The following PDE8A variants were observed in gnomAD, a reference collection of about 807,000 sequenced individuals.
PDE8A encodes phosphodiesterase 8A, also known as high affinity cAMP-specific and IBMX-insensitive 3',5'-cyclic phosphodiesterase 8A.
PDE8A carries 59 observed loss-of-function variants against 105.0 expected under a neutral mutation model. That is an observed-to-expected ratio of 0.56 (90% CI 0.46 to 0.70). The LOEUF (loss-of-function observed/expected upper bound fraction) is 0.70, where lower values mean the gene tolerates loss of function less well. Among genes scored for constraint, PDE8A ranks in the 30% least tolerant of loss-of-function variants. The probability of loss-of-function intolerance (pLI) is 0.00; values close to 1 mark genes in which losing one functional copy is unlikely to be tolerated. For synonymous variants in PDE8A, 355 were observed against 371.9 expected, an observed-to-expected ratio of 0.95 and a Z score of 0.52; for missense variants, 1,014 against 1,045.9, an observed-to-expected ratio of 0.97 and a Z score of 0.42.
chr15:85,122,120 C>G (rs920341784), intron 18 of PDE8A, among the ~76,000 whole-genome samples: 2 of 152,162 alleles, frequency 1.3e-5, no homozygotes, highest in African/African-American at 4.8e-5. Flanking sequence ...CTTCCCTGAT[C>G]TCTCATGCTA....
At chr15:85,060,769 T>C (rs58572363) in intron 1 of PDE8A, among the ~76,000 whole-genome samples, 5,100 of 152,298 alleles carry the variant, frequency 0.033, 239 homozygotes, top group African/African-American at 0.1. Context: ...ATTTTTTTTT[T>C]CCACCAAACT....
Position 85,100,003 on chromosome 15 carries a change from T to A in PDE8A, c.942-12T>A, listed in dbSNP as rs780815604. ...CTCAGAAGAGAAATAATGCATTGTT[T>A]TTTACTTGCAGAAAAATTAGACACT... On this transcript the variant is annotated splice_polypyrimidine_tract_variant and intron_variant, in intron 9 of 21. Coordinates refer to ENST00000394553, the MANE Select transcript of PDE8A (RefSeq NM_002605.3). 3.1e-6 allele frequency: 5 copies of A among 1,604,648 alleles called. No homozygotes were observed. In the South Asian group the frequency reaches 5.6e-5, roughly 18 times the overall value.
intron 1 of PDE8A, among the ~76,000 whole-genome samples, chr15:84,983,418 A>G (rs954238811): frequency 6.6e-6 from 1 of 152,166 alleles, no homozygotes; most frequent in African/African-American, 2.4e-5. Context: ...TGAGGGATAT[A>G]GTTTGATGTA....
At position 85,136,887 on chromosome 15, in the gene PDE8A, A is replaced by G. The variant is rs148353990; in HGVS notation, c.2383+224A>G. The stretch of plus-strand genomic sequence containing the variant: ...GCCTGTTTTATAGATGACGGGATTG[A>G]ACTTGGGGCCCCACAGCTTGTAGTA... On this transcript the variant is annotated intron_variant, in intron 21 of 21. Coordinates refer to ENST00000394553, the MANE Select transcript of PDE8A (RefSeq NM_002605.3). Among the ~76,000 whole-genome samples, 348 of 152,188 alleles carry G rather than the reference A, an allele frequency of 2.3e-3. 2 individuals carry two copies. Among genetic ancestry groups the G allele is most frequent in the African/African-American group, 8.1e-3 (336 of 41,514 alleles).
intron 1 of PDE8A, among the ~76,000 whole-genome samples, chr15:84,986,057 T>G (rs1302899629): frequency 6.6e-6 from 1 of 152,008 alleles, no homozygotes; most frequent in Non-Finnish European, 1.5e-5. Flanking sequence ...AGACTCTGTC[T>G]CTACCAAAAA....
At chr15:85,021,266 G>A (rs1467027612) in intron 1 of PDE8A, among the ~76,000 whole-genome samples, 1 of 152,172 alleles carries the variant, frequency 6.6e-6, no homozygotes, top group Non-Finnish European at 1.5e-5. Flanking sequence ...TCCAAGCCTG[G>A]TGTGGTGGCT....
chr15:85,089,016 G>A (rs2081597533), intron 6 of PDE8A, among the ~76,000 whole-genome samples: 1 of 152,080 alleles, frequency 6.6e-6, no homozygotes, highest in Non-Finnish European at 1.5e-5. Context: ...GTGGTGAAAG[G>A]GAAGGCTTGA....
chr15:85,008,838 A>G (rs1331143717), intron 1 of PDE8A, among the ~76,000 whole-genome samples: 1 of 151,930 alleles, frequency 6.6e-6, no homozygotes, highest in East Asian at 1.9e-4. Context: ...GTCTGCCAAC[A>G]TTGTCTGCTG....
intron 1 of PDE8A, among the ~76,000 whole-genome samples, chr15:85,027,813 A>AT (rs775286591): frequency 3.9e-4 from 59 of 151,524 alleles, no homozygotes; most frequent in East Asian, 1.2e-3. Flanking sequence ...TTTACCACTG[A>AT]TTTTTTTTTG....
intron 1 of PDE8A, among the ~76,000 whole-genome samples, chr15:85,050,069 T>C (rs575677053): frequency 6.6e-6 from 1 of 152,330 alleles, no homozygotes; most frequent in East Asian, 1.9e-4. Context: ...GTTATTGATA[T>C]TGAGCATCTT....
At chr15:85,044,192 T>C (rs1416194104) in intron 1 of PDE8A, among the ~76,000 whole-genome samples, 1 of 152,222 alleles carries the variant, frequency 6.6e-6, no homozygotes, top group Non-Finnish European at 1.5e-5. Flanking sequence ...TTATTTAATC[T>C]GGATATCATT....
intron 1 of PDE8A, among the ~76,000 whole-genome samples, chr15:85,020,361 T>C (rs2080404748): frequency 6.6e-6 from 1 of 152,148 alleles, no homozygotes; most frequent in Non-Finnish European, 1.5e-5. Flanking sequence ...CCCAGCACTT[T>C]GGGAAGCCAA....
At chr15:85,119,320 T>G (rs992672235) in intron 17 of PDE8A, among the ~76,000 whole-genome samples, 1 of 151,476 alleles carries the variant, frequency 6.6e-6, no homozygotes, top group African/African-American at 2.4e-5. Context: ...AATAGAAAAA[T>G]TAGCTGGGCA....
At chr15:85,076,127 C>G (rs892221202) in intron 4 of PDE8A, among the ~76,000 whole-genome samples, 1 of 152,130 alleles carries the variant, frequency 6.6e-6, no homozygotes, top group Non-Finnish European at 1.5e-5. Context: ...GATTTTTAAA[C>G]TGCCTTTCAC....
intron 19 of PDE8A, among the ~76,000 whole-genome samples, chr15:85,125,234 G>A (rs565767555): frequency 6.6e-6 from 1 of 152,256 alleles, no homozygotes; most frequent in South Asian, 2.1e-4. Flanking sequence ...TCTGAGCTGG[G>A]ACCATCAGGG....
At chr15:85,118,634 A>G (rs962248741) in intron 17 of PDE8A, among the ~76,000 whole-genome samples, 1 of 152,140 alleles carries the variant, frequency 6.6e-6, no homozygotes, top group East Asian at 1.9e-4. Context: ...CACCTCAACA[A>G]TGAGCTCCTC....
intron 17 of PDE8A, among the ~76,000 whole-genome samples, chr15:85,119,467 T>TAAAAAAAAA (rs2082145593): frequency 6.3e-5 from 1 of 15,982 alleles, no homozygotes; most frequent in East Asian, 0.036. Flanking sequence ...GACTCTCGTC[T>TAAAAAAAAA]CAAAAAAAAA....
chr15:84,982,524 G>A lies in PDE8A; in HGVS notation c.186+176G>A, dbSNP rs924611100. Among the ~76,000 whole-genome samples, 4 of 152,330 alleles carry A rather than the reference G, an allele frequency of 2.6e-5. No individual in the cohort carries two copies. The South Asian group carries it at 8.3e-4, about 32-fold the overall frequency. ...CCTTGCCGGGGCAGCGTTCAGAGAA[G>A]GACCGACCCAGGTCCCGCGACCCTG... is the stretch of plus-strand genomic sequence containing the variant. On this transcript the variant is annotated intron_variant, in intron 1 of 21. Coordinates refer to ENST00000394553, the MANE Select transcript of PDE8A (RefSeq NM_002605.3).
intron 20 of PDE8A, among the ~76,000 whole-genome samples, chr15:85,128,511 G>C (rs2082289247): frequency 6.6e-6 from 1 of 151,604 alleles, no homozygotes; most frequent in South Asian, 2.1e-4. Context: ...AAAGAAAAGA[G>C]CAACAACCAT....
Sources: gnomAD v4.1 joint callset for allele counts (sites outside exome capture counted in the v4.1 genomes callset) on GRCh38, gnomAD v4.1.1 for gene constraint, MANE v1.5 for transcripts, NCBI Gene and HGNC (gene_info 2026-07-23, HGNC 2026-07-21) for gene names.